Variants in ZNF385B observed in about 807,000 individuals in gnomAD.
The protein encoded by ZNF385B is zinc finger protein 385B, also known as zinc finger protein 533.
ZNF385B carries 23 observed loss-of-function variants against 39.2 expected under a neutral mutation model. The ratio of observed to expected loss-of-function variants is 0.59; its 90% CI spans 0.42 to 0.83. ZNF385B has a LOEUF of 0.83. ZNF385B is among the 40% of genes least tolerant of loss of function. The pLI, the probability that ZNF385B is intolerant of heterozygous loss-of-function variation, is 0.00. For missense variants in ZNF385B, 552 were observed against 598.9 expected (o/e 0.92, Z 0.82); for synonymous variants, 205 against 222.6 (o/e 0.92, Z 0.70).
At chr2:179,595,388 C>T (rs1687911476) in intron 3 of ZNF385B, among the ~76,000 whole-genome samples, 1 of 152,156 alleles carries the variant, frequency 6.6e-6, no homozygotes, top group Non-Finnish European at 1.5e-5. Context: ...AACTACATTT[C>T]CTATATGTTC....
chr2:179,848,073 A>C (rs1210614747), intron 1 of ZNF385B, among the ~76,000 whole-genome samples: 1 of 152,134 alleles, frequency 6.6e-6, no homozygotes, highest in African/African-American at 2.4e-5. Flanking sequence ...ACATGAAAGG[A>C]GCCAGCCTGG....
At chr2:179,501,872 C>A (rs544336333) in intron 5 of ZNF385B, among the ~76,000 whole-genome samples, 1 of 152,102 alleles carries the variant, frequency 6.6e-6, no homozygotes, top group South Asian at 2.1e-4. Context: ...CTACTATATA[C>A]CCACAAAATA....
chr2:179,633,744 G>C (rs1354316735), intron 3 of ZNF385B, among the ~76,000 whole-genome samples: 1 of 152,148 alleles, frequency 6.6e-6, no homozygotes, highest in Non-Finnish European at 1.5e-5. Context: ...ATTCAATTAG[G>C]AAAAGAGGAA....
intron 6 of ZNF385B, among the ~76,000 whole-genome samples, chr2:179,468,106 T>C (rs928004145): frequency 2.6e-5 from 4 of 152,232 alleles, no homozygotes; most frequent in African/African-American, 9.6e-5. Flanking sequence ...TTGTACCTTG[T>C]GCCACTTTGG....
chr2:179,467,617 A>G (rs1211064618), intron 6 of ZNF385B, among the ~76,000 whole-genome samples: 2 of 152,180 alleles, frequency 1.3e-5, no homozygotes, highest in South Asian at 4.1e-4. Flanking sequence ...TGCCCACATT[A>G]TCATGCCTGT....
chr2:179,464,799 TC>T lies in ZNF385B; in HGVS notation c.716-18030del, dbSNP rs533814159. Reference sequence around the variant, plus strand: ...GGTAGCATGATGCCTCCAGCTTTGTTCTTCTTGCCCAGGATTGTCTTGGCTA... The same window carrying T: ...GGTAGCATGATGCCTCCAGCTTTGTTTTCTTGCCCAGGATTGTCTTGGCTA... On this transcript the variant is annotated intron_variant, in intron 6 of 9. Coordinates refer to ENST00000410066, the MANE Select transcript of ZNF385B (RefSeq NM_152520.6). Among the ~76,000 whole-genome samples the T allele has an allele frequency of 1.1e-4, 16 of 152,340 alleles. No homozygotes were observed. In the South Asian group the frequency reaches 3.3e-3, roughly 32 times the overall value.
At chr2:179,722,446 C>T (rs556099782) in intron 3 of ZNF385B, among the ~76,000 whole-genome samples, 2 of 152,146 alleles carry the variant, frequency 1.3e-5, no homozygotes, top group Non-Finnish European at 2.9e-5. Flanking sequence ...TGCACATACA[C>T]AGAAACTTGG....
At position 179,446,508 on chromosome 2, in the gene ZNF385B, A is replaced by C. The variant is rs766869417; in HGVS notation, c.961+17T>G. The C allele has an allele frequency of 6.3e-6, 10 of 1,599,634 alleles. No homozygotes were observed. The highest frequency in any genetic ancestry group is 8.5e-6 in the Non-Finnish European group (10 of 1,173,464). On this transcript the variant is annotated intron_variant, in intron 7 of 9. Transcript: ENST00000410066. ...TTTGTTATAAACATTATTTAAATGC[A>C]AAAGATAGCTGCTAACCTGTGTTGT...
At chr2:179,446,889 T>C in intron 6 of ZNF385B, 119 bp from the exon 7 acceptor site, 1 of 1,309,090 alleles carries the variant, frequency 7.6e-7, no homozygotes, top group East Asian at 2.4e-5. Flanking sequence ...TATTGCAGCA[T>C]AGATTTCAGT....
chr2:179,772,259 A>T (rs1340088302), intron 1 of ZNF385B, among the ~76,000 whole-genome samples: 2 of 152,204 alleles, frequency 1.3e-5, no homozygotes, highest in African/African-American at 2.4e-5. Flanking sequence ...AGAATTCTGT[A>T]ACCTCTTCAG....
chr2:179,792,388 T>TC (rs1418811631), intron 1 of ZNF385B, among the ~76,000 whole-genome samples: 1 of 148,838 alleles, frequency 6.7e-6, no homozygotes, highest in Non-Finnish European at 1.5e-5. Flanking sequence ...TTTTTTTTTT[T>TC]TTTGAGACAG....
At chr2:179,679,258 C>G (rs1426919645) in intron 3 of ZNF385B, among the ~76,000 whole-genome samples, 1 of 152,124 alleles carries the variant, frequency 6.6e-6, no homozygotes, top group Non-Finnish European at 1.5e-5. Flanking sequence ...TTTAGATACA[C>G]AAATATTTAC....
intron 1 of ZNF385B, among the ~76,000 whole-genome samples, chr2:179,834,055 T>C (rs1708119561): frequency 6.6e-6 from 1 of 152,110 alleles, no homozygotes; most frequent in Admixed American, 6.6e-5. Flanking sequence ...TGGGAGGAGA[T>C]ACAGCTACAG....
intron 1 of ZNF385B, among the ~76,000 whole-genome samples, chr2:179,838,485 CT>C (rs1198425750): frequency 6.6e-6 from 1 of 152,172 alleles, no homozygotes; most frequent in African/African-American, 2.4e-5. Flanking sequence ...GGTTACTATC[CT>C]TTTGGTTACT....
At chr2:179,497,923 T>C (rs2105709194) in intron 5 of ZNF385B, among the ~76,000 whole-genome samples, 1 of 152,214 alleles carries the variant, frequency 6.6e-6, no homozygotes, top group Non-Finnish European at 1.5e-5. Flanking sequence ...CTATATCTTA[T>C]ATTAGAAAAA....
intron 3 of ZNF385B, among the ~76,000 whole-genome samples, chr2:179,656,615 C>T (rs570574564): frequency 6.6e-6 from 1 of 152,158 alleles, no homozygotes; most frequent in Non-Finnish European, 1.5e-5. Flanking sequence ...TCGTACTCTG[C>T]AGGATCATAG....
chr2:179,445,659 C>G lies in ZNF385B; in HGVS notation c.1031G>C (p.Gly344Ala). 6.2e-7 allele frequency: 1 copy of G among 1,614,048 alleles called. No homozygotes were observed. The highest frequency in any genetic ancestry group is 8.5e-7 in the Non-Finnish European group (1 of 1,179,968). ...AGPIKSYPRP[G>A]SRLKMQNGSK... ...GCCATTCTGCATCTTTAATCTTGAT[C>G]CAGGTCTAGGATAGGATTTAATTGG... The change falls in exon 8 of 10, where the codon GGA (glycine) becomes GCA (alanine). Residue 344 changes from glycine (G) to alanine (A), a missense_variant. Physicochemically the swap from Gly to Ala is moderately conservative, Grantham distance 60. Coordinates refer to ENST00000410066, the MANE Select transcript of ZNF385B (RefSeq NM_152520.6).
intron 6 of ZNF385B, among the ~76,000 whole-genome samples, chr2:179,468,447 A>C (rs1181118887): frequency 6.6e-6 from 1 of 152,212 alleles, no homozygotes; most frequent in East Asian, 1.9e-4. Flanking sequence ...TTTATTATGG[A>C]AAATAGAATG....
rs575736363 is a variant in ZNF385B, at chr2:179,811,704, A to G, written c.-154-41032T>C. Among the ~76,000 whole-genome samples the G allele has an allele frequency of 5.3e-5, 8 of 152,148 alleles. No homozygotes were observed. In the East Asian group the frequency reaches 9.7e-4, roughly 18 times the overall value. ...CAAACGATAAGAATCCTAGAAAAAAACCTAGGAAACACCATCCTGGACATT... is the reference window on the plus strand; with the variant it reads ...CAAACGATAAGAATCCTAGAAAAAAGCCTAGGAAACACCATCCTGGACATT... On this transcript the variant is annotated intron_variant, in intron 1 of 9. Coordinates refer to ENST00000410066, the MANE Select transcript of ZNF385B (RefSeq NM_152520.6).
Sources: gnomAD v4.1 joint callset for allele counts (sites outside exome capture counted in the v4.1 genomes callset) on GRCh38, gnomAD v4.1.1 for gene constraint, MANE v1.5 for transcripts, NCBI Gene and HGNC (gene_info 2026-07-23, HGNC 2026-07-21) for gene names.